FAM227B: variants seen among roughly 807,000 people sequenced by gnomAD.
The protein encoded by FAM227B is family with sequence similarity 227 member B.
A neutral mutation model predicts 73.8 loss-of-function variants in FAM227B; 88 were observed. The ratio of observed to expected loss-of-function variants is 1.19; its 90% CI spans 1.00 to 1.42. FAM227B has a LOEUF of 1.42. Ranked by LOEUF, FAM227B falls within the 40% of genes most tolerant of loss-of-function variation. The pLI is 0.00. For missense variants in FAM227B, 632 were observed against 590.9 expected, an observed-to-expected ratio of 1.07 and a Z score of -0.72; for synonymous variants, 210 against 190.5, an observed-to-expected ratio of 1.10 and a Z score of -0.84.
At chr15:49,457,857 TA>T (rs1346138251) in intron 11 of FAM227B, among the ~76,000 whole-genome samples, 6 of 151,460 alleles carry the variant, frequency 4.0e-5, no homozygotes, top group Admixed American at 2.6e-4. Flanking sequence ...CATAATGATA[TA>T]AAAAACAATT....
chr15:49,342,584 G>A (rs926887575), intron 13 of FAM227B, among the ~76,000 whole-genome samples: 2 of 152,118 alleles, frequency 1.3e-5, no homozygotes, highest in African/African-American at 4.8e-5. Context: ...GTTGTTAGCT[G>A]GTTGCTTTGT....
intron 11 of FAM227B, among the ~76,000 whole-genome samples, chr15:49,480,836 T>C (rs2055880900): frequency 2.0e-5 from 3 of 152,056 alleles, no homozygotes; most frequent in East Asian, 3.9e-4. Context: ...AGGCAGGGGA[T>C]AGAGGAAAAT....
intron 10 of FAM227B, among the ~76,000 whole-genome samples, chr15:49,522,056 A>G (rs1486974060): frequency 6.6e-6 from 1 of 152,188 alleles, no homozygotes; most frequent in Non-Finnish European, 1.5e-5. Context: ...AGGGCAGGAG[A>G]TAAGCTTCCT....
In FAM227B at chr15:49,327,896, C is replaced by T; in HGVS notation, c.*672G>A. Reference sequence around the variant, plus strand: ...GGCTATGTGTTCTACAAACACCAAGCAAATCCCTTGTATTTTCATTTATAG... The same window carrying T: ...GGCTATGTGTTCTACAAACACCAAGTAAATCCCTTGTATTTTCATTTATAG... On this transcript the variant is annotated 3_prime_UTR_variant, in exon 16 of 16. Transcript: ENST00000299338. The T allele has an allele frequency of 6.5e-7, 1 of 1,536,468 alleles. No homozygotes were observed. The highest frequency in any genetic ancestry group is 2.3e-5 in the East Asian group (1 of 44,098).
At chr15:49,329,310 TAG>T in intron 15 of FAM227B, 1 of 985,438 alleles carries the variant, frequency 1.0e-6, no homozygotes, top group Non-Finnish European at 1.2e-6. Flanking sequence ...GGATGGACTA[TAG>T]GAAGCACTTT....
At chr15:49,616,366 ACT>A (rs1426898665) in intron 1 of FAM227B, among the ~76,000 whole-genome samples, 1 of 152,082 alleles carries the variant, frequency 6.6e-6, no homozygotes. Context: ...GAAATAATAA[ACT>A]TTGTGTTGTT....
chr15:49,536,907 A>G (rs2070355318), intron 10 of FAM227B, among the ~76,000 whole-genome samples: 1 of 151,978 alleles, frequency 6.6e-6, no homozygotes, highest in South Asian at 2.1e-4. Flanking sequence ...CCACTCAGAA[A>G]CTCCACAAAA....
chr15:49,512,906 C>T (rs1207739277), intron 10 of FAM227B, among the ~76,000 whole-genome samples: 1 of 152,148 alleles, frequency 6.6e-6, no homozygotes, highest in African/African-American at 2.4e-5. Context: ...CTAGCTTCAT[C>T]CATGTCCCTG....
chr15:49,339,664 C>T (rs2040365482), intron 13 of FAM227B, among the ~76,000 whole-genome samples: 1 of 152,196 alleles, frequency 6.6e-6, no homozygotes, highest in South Asian at 2.1e-4. Context: ...GCTGGGAGAT[C>T]CGCTGCTGTC....
chr15:49,335,604 A>G, intron 13 of FAM227B, 108 bp from the exon 14 acceptor site: 1 of 696,220 alleles, frequency 1.4e-6, no homozygotes, highest in East Asian at 2.6e-5. Flanking sequence ...ACTTTTCAGT[A>G]ATGAAGAGTC....
chr15:49,382,658 A>G (rs1008318256), intron 11 of FAM227B, among the ~76,000 whole-genome samples: 6 of 152,242 alleles, frequency 3.9e-5, no homozygotes, highest in African/African-American at 1.4e-4. Flanking sequence ...TGTTTTTAAC[A>G]GCTAACTTAA....
chr15:49,594,131 G>C (rs2076753436), intron 3 of FAM227B, among the ~76,000 whole-genome samples: 1 of 152,066 alleles, frequency 6.6e-6, no homozygotes, highest in African/African-American at 2.4e-5. Flanking sequence ...GCAGGAGTAA[G>C]GTGGTATTGC....
At chr15:49,385,582 T>C (rs778558946) in intron 11 of FAM227B, among the ~76,000 whole-genome samples, 1 of 142,314 alleles carries the variant, frequency 7.0e-6, no homozygotes, top group African/African-American at 2.7e-5. Context: ...ACTGGGTCTA[T>C]AAAACAGTAA....
chr15:49,542,801 T>C (rs1412052465), intron 9 of FAM227B, among the ~76,000 whole-genome samples: 1 of 151,602 alleles, frequency 6.6e-6, no homozygotes, highest in Non-Finnish European at 1.5e-5. Context: ...GCTGGTTTCT[T>C]ATATAGGTAA....
chr15:49,613,009 G>C (rs1014659833), intron 2 of FAM227B, among the ~76,000 whole-genome samples: 2 of 151,992 alleles, frequency 1.3e-5, no homozygotes, highest in South Asian at 4.1e-4. Flanking sequence ...GGCCGAGAAG[G>C]GTAGTGGGAA....
intron 13 of FAM227B, among the ~76,000 whole-genome samples, chr15:49,359,799 T>C (rs1177247901): frequency 7.3e-6 from 1 of 137,606 alleles, no homozygotes; most frequent in African/African-American, 2.8e-5. Context: ...TGTATGTTTA[T>C]TGCGTCATTA....
intron 13 of FAM227B, among the ~76,000 whole-genome samples, chr15:49,362,275 T>C (rs1051413151): frequency 6.6e-6 from 1 of 152,122 alleles, no homozygotes; most frequent in East Asian, 1.9e-4. Context: ...TCTCATGAGA[T>C]ACGCTGGCTT....
chr15:49,331,497 C>A, intron 15 of FAM227B: 2 of 345,894 alleles, frequency 5.8e-6, no homozygotes, highest in Non-Finnish European at 1.1e-5. Context: ...TTTTAAACAT[C>A]AGTGATTATT....
intron 11 of FAM227B, among the ~76,000 whole-genome samples, chr15:49,418,319 C>A (rs192946479): frequency 9.2e-5 from 14 of 152,128 alleles, no homozygotes; most frequent in African/African-American, 2.2e-4. Flanking sequence ...GGGTATGTAC[C>A]CAAAGGAATA....
Sources: gnomAD v4.1 joint callset for allele counts (sites outside exome capture counted in the v4.1 genomes callset) on GRCh38, gnomAD v4.1.1 for gene constraint, MANE v1.5 for transcripts, NCBI Gene and HGNC (gene_info 2026-07-23, HGNC 2026-07-21) for gene names.